Variants in PTPRM observed in about 807,000 individuals in gnomAD.
PTPRM encodes the protein receptor-type tyrosine-protein phosphatase mu.
Under a neutral mutation model 186.7 loss-of-function variants are expected in PTPRM, and 47 were observed. The observed-to-expected ratio is 0.25, with a 90% CI of 0.20 to 0.32. PTPRM has a LOEUF of 0.32. Among genes scored for constraint, PTPRM ranks in the 10% least tolerant of loss-of-function variants. The pLI is 1.00. For synonymous variants in PTPRM, 668 were observed against 674.9 expected (o/e 0.99, Z 0.16); for missense variants, 1,494 against 1,865.0 (o/e 0.80, Z 3.66).
intron 2 of PTPRM, among the ~76,000 whole-genome samples, chr18:7,810,450 C>T (rs928556690): frequency 9.9e-5 from 15 of 152,142 alleles, no homozygotes; most frequent in African/African-American, 3.6e-4. Flanking sequence ...ATTATGATTT[C>T]TATATAGTCT....
chr18:8,162,930 G>C (rs369979988), intron 14 of PTPRM, among the ~76,000 whole-genome samples: 50 of 152,180 alleles, frequency 3.3e-4, no homozygotes, highest in Non-Finnish European at 6.5e-4. Flanking sequence ...ATGCTCTGCT[G>C]CTTCTCCAAA....
intron 1 of PTPRM, among the ~76,000 whole-genome samples, chr18:7,646,511 C>G (rs2038567880): frequency 6.6e-6 from 1 of 152,144 alleles, no homozygotes; most frequent in African/African-American, 2.4e-5. Flanking sequence ...CCATCTTGTT[C>G]CAGCTGTGTT....
At chr18:7,887,566 C>G (rs1366349814) in intron 2 of PTPRM, among the ~76,000 whole-genome samples, 1 of 152,078 alleles carries the variant, frequency 6.6e-6, no homozygotes, top group Non-Finnish European at 1.5e-5. Flanking sequence ...CACAGCCCAC[C>G]CAATCTTTTG....
At chr18:7,940,270 A>C (rs1555652898) in intron 5 of PTPRM, among the ~76,000 whole-genome samples, 1 of 152,238 alleles carries the variant, frequency 6.6e-6, no homozygotes. Context: ...AAGTTAGAGC[A>C]ATAAAAACCA....
At chr18:8,011,210 G>A (rs1170470186) in intron 7 of PTPRM, among the ~76,000 whole-genome samples, 1 of 152,226 alleles carries the variant, frequency 6.6e-6, no homozygotes, top group East Asian at 1.9e-4. Context: ...ATAGAAGAGA[G>A]TAGATAAGGT....
Position 8,397,158 on chromosome 18 carries a change from C to G in PTPRM, c.4344+2547C>G, listed in dbSNP as rs147592962. On this transcript the variant is annotated intron_variant, in intron 32 of 32. Coordinates refer to ENST00000580170, the MANE Select transcript of PTPRM (RefSeq NM_001105244.2). ...CCCTGGGGGCACTTCCGAGTGTCTGCAGAGGCAGGCTAGGGTGCAATAGAG... is the reference window on the plus strand; with the variant it reads ...CCCTGGGGGCACTTCCGAGTGTCTGGAGAGGCAGGCTAGGGTGCAATAGAG... Among the ~76,000 whole-genome samples the G allele has an allele frequency of 2.6e-3, 394 of 152,356 alleles. 1 individual carries two copies. Among genetic ancestry groups the G allele is most frequent in the African/African-American group, 9.1e-3 (379 of 41,588 alleles).
At chr18:7,813,139 T>C (rs1343048786) in intron 2 of PTPRM, among the ~76,000 whole-genome samples, 1 of 152,222 alleles carries the variant, frequency 6.6e-6, no homozygotes, top group African/African-American at 2.4e-5. Context: ...GACAAACATA[T>C]GCCAGTGCCA....
chr18:8,128,203 T>C (rs181137547), intron 13 of PTPRM, among the ~76,000 whole-genome samples: 17 of 152,304 alleles, frequency 1.1e-4, no homozygotes, highest in Middle Eastern at 3.4e-3. Context: ...TGATTGAAAG[T>C]AGTGGCTAAC....
chr18:8,049,799 C>T (rs1371178511), intron 7 of PTPRM, among the ~76,000 whole-genome samples: 1 of 151,822 alleles, frequency 6.6e-6, no homozygotes, highest in African/African-American at 2.4e-5. Context: ...GCAACCCCCG[C>T]CTCTCAGGTT....
In PTPRM at chr18:8,387,987, T is replaced by C. The variant is rs186401601; in HGVS notation, c.4208+752T>C. On this transcript the variant is annotated intron_variant, in intron 31 of 32. Coordinates refer to ENST00000580170, the MANE Select transcript of PTPRM (RefSeq NM_001105244.2). Reference sequence around the variant, plus strand: ...CACACCTAGGCCACACCCCAACCAATTAAATCAAAATCTCTGGGAGTGGGG... The same window carrying C: ...CACACCTAGGCCACACCCCAACCAACTAAATCAAAATCTCTGGGAGTGGGG... 2.9e-3 allele frequency among the ~76,000 whole-genome samples: 439 copies of C among 151,506 alleles called. 2 individuals carry two copies. Among genetic ancestry groups the C allele is most frequent in the African/African-American group, 0.01 (424 of 41,288 alleles).
At chr18:7,643,531 G>A (rs190184082) in intron 1 of PTPRM, among the ~76,000 whole-genome samples, 3,127 of 151,948 alleles carry the variant, frequency 0.021, 109 homozygotes, top group African/African-American at 0.071. Context: ...TATTAGAGAC[G>A]GGATTTCACC....
At chr18:7,896,129 C>T (rs1300941594) in intron 3 of PTPRM, among the ~76,000 whole-genome samples, 1 of 152,154 alleles carries the variant, frequency 6.6e-6, no homozygotes, top group East Asian at 1.9e-4. Flanking sequence ...TTGACCTGCC[C>T]TCCTATGGTT....
intron 1 of PTPRM, among the ~76,000 whole-genome samples, chr18:7,729,084 A>C (rs1440222827): frequency 6.6e-6 from 1 of 151,622 alleles, no homozygotes; most frequent in East Asian, 1.9e-4. Context: ...CTAATTTTTA[A>C]ATTTTTTGTA....
At chr18:7,612,177 C>CTGTG (rs367874001) in intron 1 of PTPRM, among the ~76,000 whole-genome samples, 3 of 149,166 alleles carry the variant, frequency 2.0e-5, no homozygotes, top group African/African-American at 7.4e-5. Flanking sequence ...TGTATGTGCT[C>CTGTG]TGTGTGTGTG....
chr18:8,056,421 GT>G (rs1471170992), intron 7 of PTPRM, among the ~76,000 whole-genome samples: 1 of 152,144 alleles, frequency 6.6e-6, no homozygotes, highest in Non-Finnish European at 1.5e-5. Flanking sequence ...GAGGCCAGGA[GT>G]TCGAGACCAG....
chr18:7,892,692 G>A (rs930634029), intron 3 of PTPRM, among the ~76,000 whole-genome samples: 2 of 152,212 alleles, frequency 1.3e-5, no homozygotes, highest in East Asian at 1.9e-4. Context: ...CCACAGGACT[G>A]TACGGCTTAA....
intron 7 of PTPRM, among the ~76,000 whole-genome samples, chr18:8,014,500 G>T (rs2084737034): frequency 1.3e-5 from 2 of 152,126 alleles, no homozygotes; most frequent in Non-Finnish European, 2.9e-5. Flanking sequence ...GGAAAAAAGT[G>T]CAAGTGTTAT....
intron 2 of PTPRM, among the ~76,000 whole-genome samples, chr18:7,826,453 C>T (rs2045487927): frequency 6.6e-6 from 1 of 152,158 alleles, no homozygotes; most frequent in South Asian, 2.1e-4. Flanking sequence ...GTTGTGCTAT[C>T]CTGGGATGTC....
intron 31 of PTPRM, among the ~76,000 whole-genome samples, chr18:8,388,180 G>C (rs1262164857): frequency 2.0e-5 from 3 of 152,210 alleles, no homozygotes; most frequent in Non-Finnish European, 4.4e-5. Context: ...CGGCTTAATA[G>C]AACAGGCAAT....
Sources: gnomAD v4.1 joint callset for allele counts (sites outside exome capture counted in the v4.1 genomes callset) on GRCh38, gnomAD v4.1.1 for gene constraint, MANE v1.5 for transcripts, NCBI Gene and HGNC (gene_info 2026-07-23, HGNC 2026-07-21) for gene names.